The following SOX5 variants were observed in gnomAD, a reference collection of about 807,000 sequenced individuals.
SOX5 encodes the protein transcription factor SOX-5.
Under a neutral mutation model 92.0 loss-of-function variants are expected in SOX5, and 9 were observed. The ratio of observed to expected loss-of-function variants is 0.10; its 90% CI spans 0.06 to 0.17. The LOEUF (loss-of-function observed/expected upper bound fraction) is 0.17. SOX5 is among the 10% of genes least tolerant of loss of function. The pLI, the probability that SOX5 is intolerant of heterozygous loss-of-function variation, is 1.00. For synonymous variants in SOX5, 344 were observed against 336.3 expected, an observed-to-expected ratio of 1.02 and a Z score of -0.25; for missense variants, 642 against 944.5, an observed-to-expected ratio of 0.68 and a Z score of 4.20.
chr12:23,722,578 C>A (rs2092879600), intron 6 of SOX5, among the ~76,000 whole-genome samples: 1 of 152,090 alleles, frequency 6.6e-6, no homozygotes, highest in Non-Finnish European at 1.5e-5. Flanking sequence ...AAATTGTGAC[C>A]TTAACAACAA....
At chr12:23,985,068 T>G (rs2136202190) in intron 4 of SOX5, among the ~76,000 whole-genome samples, 1 of 152,256 alleles carries the variant, frequency 6.6e-6, no homozygotes, top group Non-Finnish European at 1.5e-5. Context: ...TAAAATAGTT[T>G]GTTCTTTTAA....
chr12:24,316,588 G>A (rs529982395), intron 2 of SOX5, among the ~76,000 whole-genome samples: 178 of 152,216 alleles, frequency 1.2e-3, no homozygotes, highest in Non-Finnish European at 1.9e-3. Context: ...AAGAAAATCC[G>A]CAGAACTACA....
chr12:23,587,721 T>A (rs1950946114), intron 9 of SOX5, among the ~76,000 whole-genome samples: 1 of 152,086 alleles, frequency 6.6e-6, no homozygotes, highest in Non-Finnish European at 1.5e-5. Flanking sequence ...ACCATAAACA[T>A]CCTTAACACT....
chr12:23,912,184 A>G (rs2097359066), intron 1 of SOX5, among the ~76,000 whole-genome samples: 1 of 152,116 alleles, frequency 6.6e-6, no homozygotes, highest in South Asian at 2.1e-4. Context: ...TTAAAATGAG[A>G]AAAGGATCTG....
intron 3 of SOX5, among the ~76,000 whole-genome samples, chr12:24,240,191 A>G (rs1965305429): frequency 6.6e-6 from 1 of 152,168 alleles, no homozygotes; most frequent in Non-Finnish European, 1.5e-5. Flanking sequence ...TAGCCAAATC[A>G]TATGCTCAAA....
rs79078685 is a variant in SOX5 at position 24,425,341 on chromosome 12, C to T, written c.-250-56702G>A. ...CAACTAAGTTTTCTCAGGATTTCAT[C>T]GAATCACCAGCACAATTCATTGGCA... On this transcript the variant is annotated intron_variant, in intron 1 of 4. Transcript: ENST00000446891. Among the ~76,000 whole-genome samples, 688 of 152,288 alleles carry T rather than the reference C, an allele frequency of 4.5e-3. 11 individuals carry two copies. The East Asian group carries it at 0.051, about 11-fold the overall frequency.
chr12:24,415,986 C>T (rs1964949158), intron 1 of SOX5, among the ~76,000 whole-genome samples: 3 of 152,162 alleles, frequency 2.0e-5, no homozygotes, highest in African/African-American at 7.2e-5. Context: ...AATTCAGTAA[C>T]ATCAAGACTT....
chr12:23,762,513 C>T, intron 3 of SOX5: 1 of 474,884 alleles, frequency 2.1e-6, no homozygotes. Flanking sequence ...ATGTGATTGT[C>T]CTGAAGTGAA....
chr12:23,698,425 C>T (rs1245827527), intron 6 of SOX5, among the ~76,000 whole-genome samples: 1 of 152,056 alleles, frequency 6.6e-6, no homozygotes, highest in African/African-American at 2.4e-5. Context: ...ATTGCTATAT[C>T]TTCAAATGCA....
chr12:24,303,050 C>T (rs900776706), intron 2 of SOX5, among the ~76,000 whole-genome samples: 8 of 152,082 alleles, frequency 5.3e-5, no homozygotes, highest in Non-Finnish European at 1.0e-4. Flanking sequence ...AAAGTGAATA[C>T]ATTATATAAG....
chr12:23,602,320 C>T (rs1399134477), intron 9 of SOX5, among the ~76,000 whole-genome samples: 1 of 152,120 alleles, frequency 6.6e-6, no homozygotes, highest in Non-Finnish European at 1.5e-5. Context: ...AAAGCAATTT[C>T]TTAATCTTAG....
At chr12:24,096,369 C>T (rs559333351) in intron 4 of SOX5, among the ~76,000 whole-genome samples, 19 of 152,286 alleles carry the variant, frequency 1.2e-4, no homozygotes, top group African/African-American at 4.3e-4. Context: ...TAAGTACACT[C>T]ACAATGTTGT....
chr12:24,133,939 G>C (rs929565528), intron 4 of SOX5, among the ~76,000 whole-genome samples: 3 of 152,158 alleles, frequency 2.0e-5, no homozygotes, highest in African/African-American at 4.8e-5. Context: ...AGCTGCCCAG[G>C]TAACATTTGA....
intron 1 of SOX5, among the ~76,000 whole-genome samples, chr12:24,373,983 A>T (rs1956993244): frequency 6.6e-6 from 1 of 152,220 alleles, no homozygotes; most frequent in South Asian, 2.1e-4. Context: ...ACAGAATTTG[A>T]GAGTAAAAAG....
chr12:23,874,845 C>A (rs2096910700), intron 2 of SOX5, among the ~76,000 whole-genome samples: 1 of 152,070 alleles, frequency 6.6e-6, no homozygotes, highest in South Asian at 2.1e-4. Context: ...GCAAAGTCCT[C>A]GATATCCTGT....
At chr12:23,618,469 T>A (rs1326090859) in intron 8 of SOX5, among the ~76,000 whole-genome samples, 1 of 152,174 alleles carries the variant, frequency 6.6e-6, no homozygotes, top group Non-Finnish European at 1.5e-5. Flanking sequence ...ATTTGAGTTA[T>A]TTCATATTAA....
At chr12:23,617,284 C>T (rs2076681418) in intron 8 of SOX5, among the ~76,000 whole-genome samples, 1 of 151,960 alleles carries the variant, frequency 6.6e-6, no homozygotes, top group Non-Finnish European at 1.5e-5. Flanking sequence ...GGTATGGGCT[C>T]CAAGGCATAA....
rs926114412 is a variant in SOX5, at chr12:24,418,340, T to C, written c.-250-49701A>G. Among the ~76,000 whole-genome samples the C allele has an allele frequency of 3.5e-4, 54 of 152,208 alleles. 2 individuals carry two copies. The highest frequency in any genetic ancestry group is 1.3e-4 in the Admixed American group (2 of 15,278). On this transcript the variant is annotated intron_variant, in intron 1 of 4. Transcript: ENST00000446891. ...GGCAACCATGGTAATCCCATCCTCC[T>C]TGCCAGTGATTGGTTGTAAATCCAG...
At chr12:24,028,991 C>T (rs1955191657) in intron 4 of SOX5, among the ~76,000 whole-genome samples, 2 of 151,936 alleles carry the variant, frequency 1.3e-5, no homozygotes, top group Admixed American at 1.3e-4. Flanking sequence ...AATTACATTT[C>T]AAAAATACAT....
Sources: allele counts gnomAD v4.1 joint callset (sites outside exome capture counted in the v4.1 genomes callset), GRCh38; gene constraint gnomAD v4.1.1; transcripts MANE v1.5; gene names NCBI Gene and HGNC (gene_info 2026-07-23, HGNC 2026-07-21).